The following EML6 variants were observed in gnomAD, a reference collection of about 807,000 sequenced individuals.
EML6 encodes the protein EMAP like 6, also known as echinoderm microtubule-associated protein-like 6.
EML6 carries 154 observed loss-of-function variants against 240.1 expected under a neutral mutation model. The ratio of observed to expected loss-of-function variants is 0.64; its 90% CI spans 0.56 to 0.73. The LOEUF is 0.73. Among genes scored for constraint, EML6 ranks in the 30% least tolerant of loss-of-function variants. The pLI is 0.00. For missense variants in EML6, 2,964 were observed against 2,474.6 expected (o/e 1.20, Z -4.20); for synonymous variants, 1,148 against 899.0 (o/e 1.28, Z -4.95).
intron 7 of EML6, among the ~76,000 whole-genome samples, chr2:54,835,023 G>T (rs983646883): frequency 1.3e-5 from 2 of 152,118 alleles, no homozygotes; most frequent in African/African-American, 2.4e-5. Context: ...GCGCTGCTTC[G>T]CCCTGGCTGC....
At chr2:54,955,196 A>G (rs949566358) in intron 32 of EML6, among the ~76,000 whole-genome samples, 3 of 152,228 alleles carry the variant, frequency 2.0e-5, no homozygotes, top group Non-Finnish European at 2.9e-5. Context: ...CACAGTCAGT[A>G]TCCCAGGGGT....
chr2:54,927,911 A>G (rs531914993), intron 26 of EML6, among the ~76,000 whole-genome samples: 22 of 152,320 alleles, frequency 1.4e-4, no homozygotes, highest in Admixed American at 3.3e-4. Context: ...TGTAGTACAA[A>G]AGTCACTGTA....
At chr2:54,832,361 G>A (rs1668915045) in intron 7 of EML6, among the ~76,000 whole-genome samples, 2 of 152,158 alleles carry the variant, frequency 1.3e-5, no homozygotes, top group Admixed American at 6.5e-5. Flanking sequence ...AGGATGTTGA[G>A]TTCCAGAGCC....
intron 2 of EML6, among the ~76,000 whole-genome samples, chr2:54,795,371 C>G (rs898264686): frequency 2.6e-5 from 4 of 152,104 alleles, no homozygotes; most frequent in East Asian, 3.9e-4. Flanking sequence ...ATCACTATCA[C>G]GAGAACACAA....
chr2:54,888,009 A>G (rs539125728), intron 17 of EML6, among the ~76,000 whole-genome samples: 1 of 152,348 alleles, frequency 6.6e-6, no homozygotes, highest in East Asian at 1.9e-4. Flanking sequence ...CATATTTTTC[A>G]TGTAGCGTTA....
Position 54,820,352 on chromosome 2 carries a change from A to G in EML6, c.457-42A>G, listed in dbSNP as rs1434202359. The G allele has an allele frequency of 2.2e-6, 3 of 1,393,258 alleles. No individual in the cohort carries two copies. In the African/African-American group the frequency reaches 4.3e-5, roughly 20 times the overall value. 86.3% of individuals were successfully genotyped at this position (1,393,258 alleles called of 1,614,324 possible). On this transcript the variant is annotated intron_variant, in intron 4 of 41. Transcript: ENST00000356458. ...ACTAGTATTGGGAAAAGGCAAAAAT[A>G]TACCAAATGATCAACATGGCAACTT...
At chr2:54,788,164 G>A (rs1003116314) in intron 2 of EML6, among the ~76,000 whole-genome samples, 5 of 152,236 alleles carry the variant, frequency 3.3e-5, no homozygotes, top group Non-Finnish European at 7.3e-5. Context: ...TAGGTCGCCA[G>A]GTTCTCGCTC....
At chr2:54,933,124 T>G (rs1206209567) in intron 28 of EML6, among the ~76,000 whole-genome samples, 3 of 152,186 alleles carry the variant, frequency 2.0e-5, no homozygotes, top group Non-Finnish European at 4.4e-5. Context: ...ACTTATAGTC[T>G]CTGTGGTTCA....
In EML6 at chr2:54,957,985, TG is replaced by T; in HGVS notation, c.4684del (p.Ala1562ProfsTer49). On this transcript the variant is annotated frameshift_variant, in exon 33 of 42. Transcript: ENST00000356458. LOFTEE classifies it high-confidence loss of function. ...GAAKMQTMLS[V>X]AFGANNLTFT... ...GCCAAAATGCAGACGATGCTCTCCG[TG>T]GCCTTCGGTGCTGTGAGTTCTAGCA... The T allele has an allele frequency of 6.4e-7, 1 of 1,550,684 alleles. No individual in the cohort carries two copies. Among genetic ancestry groups the T allele is most frequent in the Non-Finnish European group, 8.7e-7 (1 of 1,146,268 alleles).
intron 32 of EML6, among the ~76,000 whole-genome samples, chr2:54,955,042 C>T (rs560395600): frequency 6.6e-6 from 1 of 152,294 alleles, no homozygotes; most frequent in African/African-American, 2.4e-5. Flanking sequence ...CCTGAGCACC[C>T]CCATATGAGG....
chr2:54,911,432 A>ATTT lies in EML6; in HGVS notation c.3498+403_3498+405dup, dbSNP rs35753222. Among the ~76,000 whole-genome samples, 115 of 145,288 alleles carry ATTT rather than the reference A, an allele frequency of 7.9e-4. 2 individuals are homozygous for ATTT. Among genetic ancestry groups the ATTT allele is most frequent in the African/African-American group, 2.8e-3 (112 of 39,512 alleles). On this transcript the variant is annotated intron_variant, in intron 25 of 41. Coordinates refer to ENST00000356458, the MANE Select transcript of EML6 (RefSeq NM_001039753.4). ...GAACATTATTATCTATAACAACAGAATTTTTTTTTTTTTTTGAGGTGGAGT... is the reference window on the plus strand; with the variant it reads ...GAACATTATTATCTATAACAACAGAATTTTTTTTTTTTTTTTTTGAGGTGGAGT...
At chr2:54,873,368 A>G (rs1382295675) in intron 16 of EML6, among the ~76,000 whole-genome samples, 11 of 152,246 alleles carry the variant, frequency 7.2e-5, no homozygotes, top group East Asian at 1.9e-4. Context: ...AGGAGAAGGC[A>G]TAAGTGTCAA....
chr2:54,905,351 CACACACACACACACACACACACACACAA>C (rs1673270787), intron 24 of EML6, among the ~76,000 whole-genome samples: 1 of 150,114 alleles, frequency 6.7e-6, no homozygotes, highest in African/African-American at 2.4e-5. Flanking sequence ...CACACACACA[CACACACACACACACACACACACACACAA>C]AATACCTGAT....
intron 5 of EML6, among the ~76,000 whole-genome samples, chr2:54,822,202 A>G (rs939435238): frequency 2.6e-5 from 4 of 152,188 alleles, no homozygotes; most frequent in African/African-American, 9.6e-5. Context: ...AAATAACAGC[A>G]TTTTAAATCT....
At chr2:54,855,853 G>T (rs1171000056) in intron 11 of EML6, among the ~76,000 whole-genome samples, 1 of 152,154 alleles carries the variant, frequency 6.6e-6, no homozygotes, top group Non-Finnish European at 1.5e-5. Context: ...ATTGTTGATG[G>T]GAATACTAGC....
rs760629525 is a variant in EML6 at position 54,961,183 on chromosome 2, A to AGTT, written c.4968+850_4968+852dup. ...TGGAGCCTGGAAGTTATCAGGAAGT[A>AGTT]GTTTTTTTTTTTTTTTTTTTGAGAC... On this transcript the variant is annotated intron_variant, in intron 35 of 41. Transcript: ENST00000356458. Among the ~76,000 whole-genome samples, 61 of 7,888 alleles carry AGTT rather than the reference A, an allele frequency of 7.7e-3. 20 individuals carry two copies. The highest frequency in any genetic ancestry group is 0.018 in the South Asian group (7 of 386). 5.2% of individuals were successfully genotyped at this position (7,888 alleles called of 152,430 possible).
intron 7 of EML6, among the ~76,000 whole-genome samples, chr2:54,834,200 C>A (rs1245867132): frequency 2.6e-5 from 4 of 152,120 alleles, no homozygotes; most frequent in African/African-American, 9.7e-5. Context: ...CAATGAGGCC[C>A]AGGGTCATTA....
intron 41 of EML6, 95 bp downstream of exon 41, chr2:54,968,863 A>T (rs946937632): frequency 7.4e-6 from 5 of 673,208 alleles, no homozygotes; most frequent in Admixed American, 4.6e-5. Context: ...TCCCAGGGGC[A>T]TGAGGAGGGC....
chr2:54,903,580 T>G, intron 24 of EML6, 78 bp downstream of exon 24: 2 of 1,280,090 alleles, frequency 1.6e-6, no homozygotes. Flanking sequence ...CTAGAGAGAA[T>G]GGCAGTTGAG....
Sources: allele counts gnomAD v4.1 joint callset (sites outside exome capture counted in the v4.1 genomes callset), GRCh38; gene constraint gnomAD v4.1.1; transcripts MANE v1.5; gene names NCBI Gene and HGNC (gene_info 2026-07-23, HGNC 2026-07-21).